The following SMARCA2 variants were observed in gnomAD, a reference collection of about 807,000 sequenced individuals.
SMARCA2 encodes the protein SWI/SNF related BAF chromatin remodeling complex subunit ATPase 2, also known as SWI/SNF-related matrix-associated actin-dependent regulator of chromatin subfamily A member 2.
SMARCA2 carries 61 observed loss-of-function variants against 199.8 expected under a neutral mutation model. That is an observed-to-expected ratio of 0.31 (90% CI 0.25 to 0.38). SMARCA2 has a LOEUF of 0.38. Ranked by LOEUF, SMARCA2 falls within the 10% of genes least tolerant of loss-of-function variation. The pLI, the probability that SMARCA2 is intolerant of heterozygous loss-of-function variation, is 1.00. For synonymous variants in SMARCA2, 935 were observed against 732.0 expected (o/e 1.28, Z -4.48); for missense variants, 1,344 against 2,012.2 (o/e 0.67, Z 6.35).
chr9:2,154,721 T>A (rs1197386336), intron 27 of SMARCA2, among the ~76,000 whole-genome samples: 1 of 152,384 alleles, frequency 6.6e-6, no homozygotes. Context: ...TATCTCCAAA[T>A]GAGGTTATGC....
intron 9 of SMARCA2, among the ~76,000 whole-genome samples, chr9:2,066,976 A>G (rs13300103): frequency 0.28 from 42,712 of 152,078 alleles, 6,713 homozygotes; most frequent in African/African-American, 0.42. Flanking sequence ...CACAGCATGA[A>G]GTTGATGTGA....
intron 32 of SMARCA2, among the ~76,000 whole-genome samples, chr9:2,189,705 T>C (rs56301256): frequency 6.6e-6 from 1 of 151,722 alleles, no homozygotes; most frequent in Non-Finnish European, 1.5e-5. Flanking sequence ...CAGCAGACAG[T>C]GGGTATAATA....
At chr9:2,045,650 T>A (rs1474450700) in intron 4 of SMARCA2, 2 of 152,090 alleles carry the variant, frequency 1.3e-5, no homozygotes, top group African/African-American at 4.8e-5. Flanking sequence ...TGGAGGTACA[T>A]CTACAATACC....
rs759436205 is a variant in SMARCA2 at position 2,086,752 on chromosome 9, G to A, written c.2527-77G>A. The stretch of plus-strand genomic sequence containing the variant: ...CCAAGGATGGGTTCTTTGGTTTTCC[G>A]CACCACCACTTGCTTGTTGGAAATA... On this transcript the variant is annotated intron_variant, in intron 17 of 33. Coordinates refer to ENST00000349721, the MANE Select transcript of SMARCA2 (RefSeq NM_003070.5). The surrounding 1 kb of genome is among the most constrained non-coding windows in gnomAD (Gnocchi z 4.3). 3.6e-5 allele frequency: 56 copies of A among 1,545,218 alleles called. No homozygotes were observed. In the East Asian group the frequency reaches 7.9e-4, roughly 22 times the overall value.
chr9:2,023,980 T>G (rs150555535), intron 1 of SMARCA2, among the ~76,000 whole-genome samples: 172 of 152,358 alleles, frequency 1.1e-3, no homozygotes, highest in Non-Finnish European at 2.1e-3. Flanking sequence ...CTTGGAGATG[T>G]GGACTGGGCC....
rs150630640 is a variant in SMARCA2 at position 2,033,050 on chromosome 9, T to A, written c.324T>A (p.Pro108=). 6.3e-5 allele frequency: 102 copies of A among 1,613,916 alleles called. No homozygotes were observed. Among genetic ancestry groups the A allele is most frequent in the Non-Finnish European group, 8.1e-5 (96 of 1,179,946 alleles). The change falls in exon 3 of 34, where the codon CCT becomes CCA. Residue 108 remains proline, a synonymous_variant. Transcript: ENST00000349721. ...GMRPPHPGMG[P]PQSPMDQHSQ... ...GACCACCTCACCCAGGCATGGGCCC[T>A]CCCCAGAGTCCAATGGATCAACACA...
At chr9:2,163,358 C>G (rs1326753741) in intron 28 of SMARCA2, among the ~76,000 whole-genome samples, 3 of 152,130 alleles carry the variant, frequency 2.0e-5, no homozygotes, top group Non-Finnish European at 4.4e-5. Context: ...GGGTTTGGAC[C>G]AACGGTTCAT....
intron 4 of SMARCA2, among the ~76,000 whole-genome samples, chr9:2,046,730 T>G (rs1366655566): frequency 6.6e-6 from 1 of 152,148 alleles, no homozygotes; most frequent in African/African-American, 2.4e-5. Flanking sequence ...GGGCTTGAGG[T>G]GCAATTTGCA....
chr9:2,021,517 T>G (rs1818598169), intron 1 of SMARCA2, among the ~76,000 whole-genome samples: 1 of 152,218 alleles, frequency 6.6e-6, no homozygotes, highest in South Asian at 2.1e-4. Context: ...ACCATCCCAC[T>G]GGGAGATGCT....
At chr9:2,103,860 TATTC>T (rs112696356) in intron 22 of SMARCA2, 139 bp from the exon 23 acceptor site, 59 of 656,726 alleles carry the variant, frequency 9.0e-5, no homozygotes, top group South Asian at 1.4e-4. Context: ...TTGGAGTTCA[TATTC>T]ATTCATTCAT....
At position 2,056,650 on chromosome 9, in the gene SMARCA2, C is replaced by G. The variant is rs937654156; in HGVS notation, c.1174-22C>G. 1.9e-6 allele frequency: 3 copies of G among 1,603,242 alleles called. No homozygotes were observed. Among genetic ancestry groups the G allele is most frequent in the Non-Finnish European group, 2.6e-6 (3 of 1,175,664 alleles). ...CCTAGCTTCTGTTAGGGAAGGCTGTCTAACTGCTCTCTTCTTGACAGCTGA... is the reference window on the plus strand; with the variant it reads ...CCTAGCTTCTGTTAGGGAAGGCTGTGTAACTGCTCTCTTCTTGACAGCTGA... On this transcript the variant is annotated intron_variant, in intron 6 of 33. Transcript: ENST00000349721. This position sits in a 1 kb window ranked among gnomAD's most constrained non-coding sequence, Gnocchi z 4.0.
chr9:2,160,035 G>T, intron 27 of SMARCA2: 2 of 1,261,780 alleles, frequency 1.6e-6, no homozygotes, highest in Admixed American at 2.2e-5. Flanking sequence ...TGCTTGAGGA[G>T]AGCAATACCA....
In SMARCA2 at chr9:2,119,741, T is replaced by C. The variant is rs1048521342; in HGVS notation, c.3762+206T>C. 2.6e-5 allele frequency among the ~76,000 whole-genome samples: 4 copies of C among 152,194 alleles called. No homozygotes were observed. The highest frequency in any genetic ancestry group is 4.4e-5 in the Non-Finnish European group (3 of 68,036). On this transcript the variant is annotated intron_variant, in intron 26 of 33. Coordinates refer to ENST00000349721, the MANE Select transcript of SMARCA2 (RefSeq NM_003070.5). This position sits in a 1 kb window ranked among gnomAD's most constrained non-coding sequence, Gnocchi z 4.6. Reference sequence around the variant, plus strand: ...CGCAGCGTTTTTTAAAATTTCCCATTCATTGCCAACATAAAAAAGAATCCT... The same window carrying C: ...CGCAGCGTTTTTTAAAATTTCCCATCCATTGCCAACATAAAAAAGAATCCT...
intron 27 of SMARCA2, among the ~76,000 whole-genome samples, chr9:2,126,611 G>C (rs1823708399): frequency 6.6e-6 from 1 of 152,234 alleles, no homozygotes; most frequent in Non-Finnish European, 1.5e-5. Context: ...TTGAAAGGGA[G>C]TTTGGCAAGG....
chr9:2,149,622 A>G (rs1378076868), intron 27 of SMARCA2, among the ~76,000 whole-genome samples: 1 of 151,602 alleles, frequency 6.6e-6, no homozygotes, highest in African/African-American at 2.4e-5. Context: ...CCATGATTCA[A>G]ATTATCTCCC....
At chr9:2,153,185 A>G (rs542747590) in intron 27 of SMARCA2, among the ~76,000 whole-genome samples, 1 of 152,352 alleles carries the variant, frequency 6.6e-6, no homozygotes, top group Non-Finnish European at 1.5e-5. Context: ...AGGCATAGAA[A>G]AGACGTGTAT....
intron 3 of SMARCA2, 51 bp downstream of exon 3, chr9:2,033,132 T>C (rs1432675905): frequency 3.2e-6 from 5 of 1,587,160 alleles, no homozygotes; most frequent in African/African-American, 1.4e-5. Flanking sequence ...AGTCTTTCAG[T>C]CTTTCCTGTT....
At chr9:2,159,298 T>G (rs1167744432) in intron 27 of SMARCA2, 1 of 332,728 alleles carries the variant, frequency 3.0e-6, no homozygotes, top group African/African-American at 2.1e-5. Flanking sequence ...TTACAGTTGT[T>G]CTGAATTTTC....
At position 2,039,814 on chromosome 9, in the gene SMARCA2, AGCAACAGCAGCCGCAGCAGCAGCC is replaced by A. The variant is rs1423274338; in HGVS notation, c.707_730del (p.Gln236_Pro243del). ...CAGCAGCAGCAGCAGCAGCAGCAGC[AGCAACAGCAGCCGCAGCAGCAGCC>A]GCCGCAACCACAGACGCAGCAACAA... On this transcript the variant is annotated inframe_deletion, in exon 4 of 34. Transcript: ENST00000349721. The surrounding 1 kb of genome is among the most constrained non-coding windows in gnomAD (Gnocchi z 4.8). The A allele has an allele frequency of 5.6e-6, 9 of 1,608,046 alleles. No homozygotes were observed. Among genetic ancestry groups the A allele is most frequent in the Non-Finnish European group, 7.6e-6 (9 of 1,177,190 alleles).
Sources: gnomAD v4.1 joint callset for allele counts (sites outside exome capture counted in the v4.1 genomes callset) on GRCh38, gnomAD v4.1.1 for gene constraint, Gnocchi (gnomAD v3.1) non-coding constraint, MANE v1.5 for transcripts, NCBI Gene and HGNC (gene_info 2026-07-23, HGNC 2026-07-21) for gene names.